VDAC3: variants seen among roughly 807,000 people sequenced by gnomAD.
VDAC3 encodes the protein voltage dependent anion channel 3.
Under a neutral mutation model 33.9 loss-of-function variants are expected in VDAC3, and 7 were observed. The ratio of observed to expected loss-of-function variants is 0.21; its 90% CI spans 0.12 to 0.39. The LOEUF is 0.39. Among genes scored for constraint, VDAC3 ranks in the 10% least tolerant of loss-of-function variants. The pLI, the probability that VDAC3 is intolerant of heterozygous loss-of-function variation, is 1.00. For synonymous variants in VDAC3, 100 were observed against 122.4 expected, an observed-to-expected ratio of 0.82 and a Z score of 1.21; for missense variants, 261 against 334.5, an observed-to-expected ratio of 0.78 and a Z score of 1.71.
chr8:42,403,128 C>T, intron 7 of VDAC3, 183 bp from the exon 8 acceptor site: 1 of 629,234 alleles, frequency 1.6e-6, no homozygotes, highest in Admixed American at 3.2e-5. Context: ...ATTAAGCAGT[C>T]ATTACTGGCA....
chr8:42,396,576 G>A, intron 4 of VDAC3: 1 of 663,064 alleles, frequency 1.5e-6, no homozygotes, highest in Non-Finnish European at 2.7e-6. Flanking sequence ...TTCTCATTTT[G>A]TGTAGGTTCC....
At chr8:42,403,028 A>AG (rs1210206070) in intron 7 of VDAC3, 2 of 388,832 alleles carry the variant, frequency 5.1e-6, no homozygotes, top group African/African-American at 4.2e-5. Flanking sequence ...TACTTACCCG[A>AG]GGTGTCTGCC....
intron 4 of VDAC3, among the ~76,000 whole-genome samples, chr8:42,398,485 C>T (rs1370762147): frequency 6.6e-6 from 1 of 151,984 alleles, no homozygotes; most frequent in South Asian, 2.1e-4. Flanking sequence ...GCCTTGGCCT[C>T]GTAACATGCT....
intron 7 of VDAC3, 169 bp from the exon 8 acceptor site, chr8:42,403,142 C>G (rs563579532): frequency 1.5e-6 from 1 of 684,534 alleles, no homozygotes; most frequent in South Asian, 1.9e-5. Flanking sequence ...ACTGGCATAG[C>G]TGGATTTAGT....
At chr8:42,401,740 A>G in intron 6 of VDAC3, 48 bp from the exon 7 acceptor site, 4 of 1,563,496 alleles carry the variant, frequency 2.6e-6, no homozygotes, top group Non-Finnish European at 3.5e-6. Flanking sequence ...CAGTAGTAAG[A>G]ACTCATGTTG....
intron 2 of VDAC3, 98 bp from the exon 3 acceptor site, chr8:42,394,112 T>C: frequency 9.5e-7 from 1 of 1,057,748 alleles, no homozygotes. Context: ...AAGAGAAAAC[T>C]GTATACCCCT....
At chr8:42,398,615 T>C in intron 4 of VDAC3, 97 bp from the exon 5 acceptor site, 1 of 1,302,806 alleles carries the variant, frequency 7.7e-7, no homozygotes, top group Non-Finnish European at 1.0e-6. Flanking sequence ...AAGCAGTAAA[T>C]GGTATTGTTT....
intron 8 of VDAC3, among the ~76,000 whole-genome samples, chr8:42,404,085 G>A (rs1035611773): frequency 1.3e-5 from 2 of 152,084 alleles, no homozygotes; most frequent in Non-Finnish European, 2.9e-5. Flanking sequence ...TAAATTTCAT[G>A]TACTGTGCTA....
At chr8:42,400,843 T>G (rs1802404727) in intron 6 of VDAC3, among the ~76,000 whole-genome samples, 1 of 151,594 alleles carries the variant, frequency 6.6e-6, no homozygotes, top group African/African-American at 2.4e-5. Flanking sequence ...TTTTTGTATT[T>G]TTAGTAGAGA....
At chr8:42,399,733 G>T (rs761125092) in intron 6 of VDAC3, 30 bp downstream of exon 6, 3 of 1,603,928 alleles carry the variant, frequency 1.9e-6, no homozygotes, top group Middle Eastern at 3.3e-4. Context: ...TTCCTGAAAC[G>T]TTTTTGGAGC....
chr8:42,402,275 G>C (rs1465824902), intron 7 of VDAC3: 12 of 527,508 alleles, frequency 2.3e-5, no homozygotes, highest in Non-Finnish European at 4.1e-5. Flanking sequence ...CACTGGGATA[G>C]AGGGAGCCCA....
In VDAC3 at chr8:42,393,900, A is replaced by AT. The variant is rs1371261554; in HGVS notation, c.-3+21dup. On this transcript the variant is annotated intron_variant, in intron 2 of 9. Coordinates refer to ENST00000022615, the MANE Select transcript of VDAC3 (RefSeq NM_005662.7). ...TTTTTCTAAGGTAAATTTTGCATAT[A>AT]TTTTTAAAAGAAGTCCAGTTTAACA... 7 of 429,028 alleles carry AT rather than the reference A, an allele frequency of 1.6e-5. No homozygotes were observed. In the East Asian group the frequency reaches 2.1e-4, roughly 13 times the overall value. The allele number at this position is 429,028 out of a possible 1,614,324, so 26.6% of individuals were successfully genotyped here.
Position 42,403,351 on chromosome 8 carries a change from G to GT in VDAC3, c.593dup (p.Asn199GlufsTer2). 6.2e-7 allele frequency: 1 copy of GT among 1,613,966 alleles called. No individual in the cohort carries two copies. The highest frequency in any genetic ancestry group is 2.2e-5 in the East Asian group (1 of 44,882). ...ATTTGGAGGTTCTATCTACCAGAAGGTGAATGAGAAGATTGAAACATCCAT... is the reference window on the plus strand; with the variant it reads ...ATTTGGAGGTTCTATCTACCAGAAGGTTGAATGAGAAGATTGAAACATCCAT... On this transcript the variant is annotated frameshift_variant, in exon 8 of 10. Transcript: ENST00000022615. LOFTEE classifies it high-confidence loss of function.
chr8:42,405,718 C>G lies in VDAC3; in HGVS notation c.*256C>G, dbSNP rs1475793785. The G allele has an allele frequency of 7.4e-6, 3 of 403,230 alleles. No homozygotes were observed. The East Asian group carries it at 1.5e-4, about 20-fold the overall frequency. 25.0% of individuals were successfully genotyped at this position (403,230 alleles called of 1,614,324 possible). ...CTGAAGTGTTATTAAATGTGTTCCT[C>G]AGCGACAGTGTAGCGTCATGTTAGA... is the stretch of plus-strand genomic sequence containing the variant. On this transcript the variant is annotated 3_prime_UTR_variant, in exon 10 of 10. Coordinates refer to ENST00000022615, the MANE Select transcript of VDAC3 (RefSeq NM_005662.7).
At chr8:42,397,332 T>C (rs1802333931) in intron 4 of VDAC3, 1 of 152,272 alleles carries the variant, frequency 6.6e-6, no homozygotes, top group African/African-American at 2.4e-5. Flanking sequence ...TTGAAACCAT[T>C]CTGTGTGGTT....
intron 4 of VDAC3, among the ~76,000 whole-genome samples, chr8:42,396,081 C>G (rs1035875703): frequency 6.6e-6 from 1 of 151,852 alleles, no homozygotes; most frequent in African/African-American, 2.4e-5. Flanking sequence ...TATGGTGAAA[C>G]CCCGTCTCTA....
At chr8:42,397,965 T>C (rs1002709795) in intron 4 of VDAC3, among the ~76,000 whole-genome samples, 1 of 151,950 alleles carries the variant, frequency 6.6e-6, no homozygotes, top group Non-Finnish European at 1.5e-5. Context: ...AAAAAAACAT[T>C]TTTAAAAGGA....
At chr8:42,394,527 A>C in intron 3 of VDAC3, among the ~76,000 whole-genome samples, 1 of 152,324 alleles carries the variant, frequency 6.6e-6, no homozygotes, top group Non-Finnish European at 1.5e-5. Context: ...TCTGGAATGT[A>C]GAATAATATA....
intron 7 of VDAC3, 53 bp from the exon 8 acceptor site, chr8:42,403,258 A>G (rs1420840791): frequency 4.4e-6 from 7 of 1,590,984 alleles, no homozygotes; most frequent in Non-Finnish European, 5.1e-6. Flanking sequence ...TCATACCATA[A>G]TAACAATGGT....
Sources: gnomAD v4.1 joint callset for allele counts (sites outside exome capture counted in the v4.1 genomes callset) on GRCh38, gnomAD v4.1.1 for gene constraint, MANE v1.5 for transcripts, NCBI Gene and HGNC (gene_info 2026-07-23, HGNC 2026-07-21) for gene names.